Variants in THOC2 observed in about 807,000 individuals in gnomAD.
The protein encoded by THOC2 is THO complex 2.
Under a neutral mutation model 128.4 loss-of-function variants are expected in THOC2, and 10 were observed. That is an observed-to-expected ratio of 0.08 (90% CI 0.05 to 0.13). The LOEUF (loss-of-function observed/expected upper bound fraction) is 0.13. Among genes scored for constraint, THOC2 ranks in the 10% least tolerant of loss-of-function variants. THOC2 has a pLI of 1.00. For missense variants in THOC2, 535 were observed against 1,155.7 expected (o/e 0.46, Z 7.79); for synonymous variants, 393 against 396.9 (o/e 0.99, Z 0.12).
intron 1 of THOC2, among the ~76,000 whole-genome samples, chrX:123,713,998 T>G (rs1389609611): frequency 9.0e-6 from 1 of 111,483 alleles, no homozygotes; most frequent in African/African-American, 3.3e-5. Context: ...AGAGATACCA[T>G]AGGGATACAA....
intron 12 of THOC2, among the ~76,000 whole-genome samples, chrX:123,654,424 A>G (rs763268587): frequency 2.5e-4 from 27 of 108,092 alleles, no homozygotes; most frequent in African/African-American, 9.1e-4. Flanking sequence ...AAATATATAT[A>G]TATATACACA....
intron 33 of THOC2, among the ~76,000 whole-genome samples, chrX:123,615,832 CTTAG>C (rs985271012): frequency 2.7e-5 from 3 of 111,009 alleles, no homozygotes; most frequent in Non-Finnish European, 5.7e-5. Flanking sequence ...ATCAGAAATT[CTTAG>C]TTCAGAATGT....
At chrX:123,629,260 T>A (rs188575891) in intron 22 of THOC2, among the ~76,000 whole-genome samples, 50 of 101,761 alleles carry the variant, frequency 4.9e-4, no homozygotes, top group African/African-American at 1.8e-3. Context: ...TATATGAAGA[T>A]AACACAGAGT....
intron 1 of THOC2, among the ~76,000 whole-genome samples, chrX:123,717,861 T>C (rs1459997231): frequency 8.9e-6 from 1 of 112,565 alleles, no homozygotes; most frequent in African/African-American, 3.2e-5. Flanking sequence ...AAAAGTCCCT[T>C]ATATATGGCA....
chrX:123,673,485 A>C (rs2049363291), intron 8 of THOC2, among the ~76,000 whole-genome samples: 1 of 111,844 alleles, frequency 8.9e-6, no homozygotes, highest in South Asian at 3.8e-4. Flanking sequence ...GTCCTCCACT[A>C]CCTGACTTGA....
Position 123,631,840 on chromosome X carries a change from G to A in THOC2, c.2329C>T (p.Leu777=). The A allele has an allele frequency of 8.4e-7, 1 of 1,192,307 alleles. No individual in the cohort carries two copies. Among genetic ancestry groups the A allele is most frequent in the Non-Finnish European group, 1.1e-6 (1 of 887,853 alleles). ...GKLYDQCHDT[L]VQFGGFLASN... ...GCTAAAAACCCACCAAACTGCACCAGGGTATCATGACACTAAATTTAAAAA... is the reference window on the plus strand; with the variant it reads ...GCTAAAAACCCACCAAACTGCACCAAGGTATCATGACACTAAATTTAAAAA... Residue 777 remains leucine, a synonymous_variant, in exon 22 of 39, where the codon CTG becomes TTG. Coordinates refer to ENST00000245838, the MANE Select transcript of THOC2 (RefSeq NM_001081550.2).
At chrX:123,707,634 GGT>G (rs1479329593) in intron 2 of THOC2, among the ~76,000 whole-genome samples, 6 of 110,908 alleles carry the variant, frequency 5.4e-5, no homozygotes, top group African/African-American at 2.0e-4. Context: ...GGTAGTTAGT[GGT>G]CAGGTGAACA....
At chrX:123,658,485 A>G (rs760113945) in intron 12 of THOC2, among the ~76,000 whole-genome samples, 28 of 112,012 alleles carry the variant, frequency 2.5e-4, no homozygotes, top group Non-Finnish European at 4.3e-4. Flanking sequence ...ACTGTGATAC[A>G]TGCAGACAAT....
At chrX:123,625,157 T>C (rs1006042967) in intron 25 of THOC2, among the ~76,000 whole-genome samples, 9 of 111,747 alleles carry the variant, frequency 8.1e-5, no homozygotes, top group African/African-American at 2.9e-4. Flanking sequence ...CGTGGTGTGA[T>C]CTAGGCTCAC....
At chrX:123,672,779 T>C (rs765033167) in intron 8 of THOC2, among the ~76,000 whole-genome samples, 1 of 112,017 alleles carries the variant, frequency 8.9e-6, no homozygotes, top group East Asian at 2.8e-4. Flanking sequence ...GTCAGATGAA[T>C]GGAACAGTGA....
At chrX:123,648,898 C>T (rs749094626) in intron 12 of THOC2, among the ~76,000 whole-genome samples, 1 of 112,252 alleles carries the variant, frequency 8.9e-6, no homozygotes, top group Non-Finnish European at 1.9e-5. Flanking sequence ...CTTCAGCAGA[C>T]TTAAACGTTC....
chrX:123,697,852 C>G (rs1447873901), intron 4 of THOC2, 101 bp from the exon 5 acceptor site: 6 of 410,882 alleles, frequency 1.5e-5, no homozygotes, highest in Non-Finnish European at 2.5e-5. Flanking sequence ...TTTTAAAATG[C>G]CTCAATCTGA....
chrX:123,695,913 G>GAA (rs904055590), intron 7 of THOC2, 108 bp downstream of exon 7: 8 of 485,258 alleles, frequency 1.6e-5, no homozygotes, highest in East Asian at 4.6e-5. Context: ...TTCCTTAACT[G>GAA]AAAAAAAAAA....
Position 123,673,077 on chromosome X carries a change from G to A in THOC2, c.769-1316C>T, listed in dbSNP as rs745870074. 4.5e-5 allele frequency among the ~76,000 whole-genome samples: 5 copies of A among 112,305 alleles called. No homozygotes were observed. In the East Asian group the frequency reaches 1.1e-3, roughly 25 times the overall value. On this transcript the variant is annotated intron_variant, in intron 8 of 38. Transcript: ENST00000245838. ...TTACAGGCCAGGCACAGTGGCTCAC[G>A]CCTGTAATCCCAACACTTTGCAAGG...
intron 38 of THOC2, among the ~76,000 whole-genome samples, chrX:123,607,671 G>C (rs1026772660): frequency 4.6e-5 from 5 of 109,369 alleles, no homozygotes; most frequent in Non-Finnish European, 5.7e-5. Flanking sequence ...ACAAATCACT[G>C]TCATTTCTCT....
At position 123,652,040 on chromosome X, in the gene THOC2, T is replaced by G. The variant is rs182010654; in HGVS notation, c.1387-6665A>C. 4.3e-3 allele frequency among the ~76,000 whole-genome samples: 478 copies of G among 111,755 alleles called. 2 individuals are homozygous for G. The highest frequency in any genetic ancestry group is 0.015 in the African/African-American group (451 of 30,746). On this transcript the variant is annotated intron_variant, in intron 12 of 38. Transcript: ENST00000245838. ...GATGCAAAAATCCTCAATAAAATAC[T>G]GGCAAAACCGAATCCAGCAGCACAT... is the stretch of plus-strand genomic sequence containing the variant.
chrX:123,672,338 T>G (rs1484867687), intron 8 of THOC2, among the ~76,000 whole-genome samples: 1 of 106,666 alleles, frequency 9.4e-6, no homozygotes, highest in Non-Finnish European at 1.9e-5. Context: ...GGTCTCACTA[T>G]GTTGCCCAGG....
At chrX:123,683,222 G>A (rs1038232139) in intron 8 of THOC2, among the ~76,000 whole-genome samples, 6 of 111,110 alleles carry the variant, frequency 5.4e-5, no homozygotes, top group South Asian at 3.8e-4. Flanking sequence ...TTTGGATTTC[G>A]GAGCTTTGTG....
intron 30 of THOC2, 50 bp downstream of exon 30, chrX:123,622,708 T>A (rs1219710394): frequency 1.1e-6 from 1 of 938,490 alleles, no homozygotes; most frequent in East Asian, 3.1e-5. Context: ...TACATAAAAA[T>A]CATTTTTAAA....
Sources: allele counts gnomAD v4.1 joint callset (sites outside exome capture counted in the v4.1 genomes callset), GRCh38; gene constraint gnomAD v4.1.1; transcripts MANE v1.5; gene names NCBI Gene and HGNC (gene_info 2026-07-23, HGNC 2026-07-21).